CDH4: variants seen among roughly 807,000 people sequenced by gnomAD.
CDH4 encodes the protein cadherin 4.
In CDH4, 33 loss-of-function variants were observed where a neutral mutation model predicts 86.0. That is an observed-to-expected ratio of 0.38 (90% confidence interval 0.29 to 0.51). CDH4 has a LOEUF of 0.51. Among genes scored for constraint, CDH4 ranks in the 20% least tolerant of loss-of-function variants. The probability of loss-of-function intolerance (pLI) is 0.86; values close to 1 mark genes in which losing one functional copy is unlikely to be tolerated. For missense variants in CDH4, 1,114 were observed against 1,307.4 expected (o/e 0.85, Z 2.28); for synonymous variants, 555 against 549.4 (o/e 1.01, Z -0.14).
chr20:61,928,101 GTTGT>G lies in CDH4; in HGVS notation c.1772-84_1772-81del, dbSNP rs774811298. The G allele has an allele frequency of 7.1e-6, 7 of 992,162 alleles. No individual in the cohort carries two copies. In the Admixed American group the frequency reaches 1.0e-4, roughly 15 times the overall value. 61.5% of individuals were successfully genotyped at this position (992,162 alleles called of 1,614,324 possible). A position where few individuals can be genotyped will look rare whatever the true frequency, so the allele number is the denominator to read the frequency against. On this transcript the variant is annotated intron_variant, in intron 11 of 15. Transcript: ENST00000614565. Reference sequence around the variant, plus strand: ...TGTGTCCCTGTGTATGTTGCACGTGGTTGTTTGTGTGCGTGTCCTGTGTGGAGCT... The same window carrying G: ...TGTGTCCCTGTGTATGTTGCACGTGGTTGTGTGCGTGTCCTGTGTGGAGCT...
At chr20:61,816,777 G>A (rs975207757) in intron 4 of CDH4, among the ~76,000 whole-genome samples, 5 of 152,204 alleles carry the variant, frequency 3.3e-5, no homozygotes, top group East Asian at 3.9e-4. Context: ...GGCATGACCC[G>A]CTGCTGACAC....
rs796453312 is a variant in CDH4 at position 61,647,239 on chromosome 20, G to A, written c.170-96324G>A. Among the ~76,000 whole-genome samples the A allele has an allele frequency of 3.9e-5, 6 of 152,108 alleles. No homozygotes were observed. In the South Asian group the frequency reaches 8.3e-4, roughly 21 times the overall value. On this transcript the variant is annotated intron_variant, in intron 2 of 15. Coordinates refer to ENST00000614565, the MANE Select transcript of CDH4 (RefSeq NM_001794.5). ...GTAGGATCAGGGTCTCATGCCCCAG[G>A]TGATTGGATCCAGAGCCACCAAAGT...
Position 61,260,759 on chromosome 20 carries a change from C to T in CDH4, c.169+5822C>T, listed in dbSNP as rs150914529. Among the ~76,000 whole-genome samples, 550 of 152,308 alleles carry T rather than the reference C, an allele frequency of 3.6e-3. 3 individuals are homozygous for T. The highest frequency in any genetic ancestry group is 0.013 in the South Asian group (64 of 4,828). On this transcript the variant is annotated intron_variant, in intron 2 of 15. Coordinates refer to ENST00000614565, the MANE Select transcript of CDH4 (RefSeq NM_001794.5). ...TCTTTGGCCATCTCTGGGGGTGGTC[C>T]TTGCCTTTTCAAGGGGCCGTTATTG...
chr20:61,761,764 C>T (rs1245880857), intron 3 of CDH4, among the ~76,000 whole-genome samples: 7 of 152,162 alleles, frequency 4.6e-5, no homozygotes, highest in African/African-American at 1.4e-4. Context: ...AGCAGGGCTC[C>T]GGGACCTACA....
chr20:61,928,461 C>G (rs1401096470), intron 12 of CDH4, 38 bp downstream of exon 12: 1 of 1,581,328 alleles, frequency 6.3e-7, no homozygotes, highest in East Asian at 2.2e-5. Flanking sequence ...GTCAGACTAG[C>G]CTGGGGTGCA....
intron 2 of CDH4, among the ~76,000 whole-genome samples, chr20:61,324,333 TGG>T (rs747265991): frequency 1.3e-5 from 2 of 152,092 alleles, no homozygotes; most frequent in African/African-American, 4.8e-5. Context: ...TTTCCCAAAC[TGG>T]GGGGGCTTAA....
At chr20:61,901,862 GC>G (rs2054731116) in intron 8 of CDH4, among the ~76,000 whole-genome samples, 1 of 152,262 alleles carries the variant, frequency 6.6e-6, no homozygotes, top group African/African-American at 2.4e-5. Flanking sequence ...GAGGTCCTGA[GC>G]CTTCCAGGAG....
In CDH4 at chr20:61,509,311, C is replaced by T. The variant is rs182481485; in HGVS notation, c.170-234252C>T. ...TCCTGCCCTCAGAGGGACCCGCCCA[C>T]GGAGGGACTCATCCTGCCCCAGGGA... On this transcript the variant is annotated intron_variant, in intron 2 of 15. Transcript: ENST00000614565. Among the ~76,000 whole-genome samples, 149 of 151,840 alleles carry T rather than the reference C, an allele frequency of 9.8e-4. 1 individual carries two copies. Among genetic ancestry groups the T allele is most frequent in the Non-Finnish European group, 8.5e-4 (58 of 67,962 alleles).
chr20:61,415,154 G>A (rs949247405), intron 2 of CDH4, among the ~76,000 whole-genome samples: 86 of 152,134 alleles, frequency 5.7e-4, no homozygotes, highest in African/African-American at 1.6e-3. Flanking sequence ...TAGTGGCATC[G>A]GCATTACTTT....
At chr20:61,612,970 A>C (rs1281801750) in intron 2 of CDH4, among the ~76,000 whole-genome samples, 1 of 152,070 alleles carries the variant, frequency 6.6e-6, no homozygotes, top group Non-Finnish European at 1.5e-5. Flanking sequence ...TACAAAGCAG[A>C]AAACGACCAT....
intron 2 of CDH4, among the ~76,000 whole-genome samples, chr20:61,690,262 G>A (rs1285120226): frequency 6.6e-6 from 1 of 152,116 alleles, no homozygotes. Flanking sequence ...AGGTGAGATG[G>A]TGTGGTCATC....
intron 2 of CDH4, among the ~76,000 whole-genome samples, chr20:61,481,662 A>C (rs2085568882): frequency 6.6e-6 from 1 of 152,250 alleles, no homozygotes; most frequent in African/African-American, 2.4e-5. Context: ...TCCTTGCTAG[A>C]GCACAAGTTT....
At chr20:61,257,498 C>G (rs193130765) in intron 2 of CDH4, among the ~76,000 whole-genome samples, 176 of 152,346 alleles carry the variant, frequency 1.2e-3, no homozygotes, top group African/African-American at 3.4e-3. Flanking sequence ...CGCTGCTGAT[C>G]GGAGCCTTCC....
intron 2 of CDH4, among the ~76,000 whole-genome samples, chr20:61,558,696 G>A (rs758497748): frequency 3.9e-5 from 6 of 152,200 alleles, no homozygotes; most frequent in African/African-American, 1.2e-4. Flanking sequence ...GGAGAGCTGC[G>A]AATAGCATCC....
chr20:61,668,640 T>C (rs544987635), intron 2 of CDH4, among the ~76,000 whole-genome samples: 5 of 152,000 alleles, frequency 3.3e-5, no homozygotes, highest in Admixed American at 1.3e-4. Context: ...GAGACTGGGG[T>C]CAGAGAGGTG....
chr20:61,600,845 C>T (rs1297989880), intron 2 of CDH4, among the ~76,000 whole-genome samples: 1 of 152,090 alleles, frequency 6.6e-6, no homozygotes, highest in Admixed American at 6.5e-5. Context: ...TTAAATATTT[C>T]GGTCCTCAGT....
chr20:61,804,879 G>T (rs543883112), intron 4 of CDH4, among the ~76,000 whole-genome samples: 2 of 152,176 alleles, frequency 1.3e-5, no homozygotes, highest in Non-Finnish European at 2.9e-5. Flanking sequence ...GATTTATGGG[G>T]CACATAAACG....
intron 2 of CDH4, among the ~76,000 whole-genome samples, chr20:61,316,592 G>C (rs1295254354): frequency 6.6e-6 from 1 of 152,232 alleles, no homozygotes. Flanking sequence ...TAAAGGGAAA[G>C]TGGTTGCTTT....
chr20:61,862,785 A>G (rs911834611), intron 6 of CDH4, among the ~76,000 whole-genome samples: 3 of 152,230 alleles, frequency 2.0e-5, no homozygotes, highest in African/African-American at 7.2e-5. Context: ...AACCCCTCGT[A>G]ACTGTGTGGG....
Sources: allele counts gnomAD v4.1 joint callset (sites outside exome capture counted in the v4.1 genomes callset), GRCh38; gene constraint gnomAD v4.1.1; transcripts MANE v1.5; gene names NCBI Gene and HGNC (gene_info 2026-07-23, HGNC 2026-07-21).